PPME1: variants seen among roughly 807,000 people sequenced by gnomAD.
PPME1 encodes the protein testicular secretory protein Li 39.
PPME1 carries 17 observed loss-of-function variants against 56.9 expected under a neutral mutation model. The ratio of observed to expected loss-of-function variants is 0.30; its 90% CI spans 0.20 to 0.45. PPME1 has a LOEUF of 0.45. Ranked by LOEUF, PPME1 falls within the 20% of genes least tolerant of loss-of-function variation. The probability of loss-of-function intolerance (pLI) is 1.00; values close to 1 mark genes in which losing one functional copy is unlikely to be tolerated. For missense variants in PPME1, 357 were observed against 483.2 expected, an observed-to-expected ratio of 0.74 and a Z score of 2.45; for synonymous variants, 122 against 156.2, an observed-to-expected ratio of 0.78 and a Z score of 1.63.
At chr11:74,176,478 A>C (rs1055802654) in intron 1 of PPME1, among the ~76,000 whole-genome samples, 2 of 151,636 alleles carry the variant, frequency 1.3e-5, no homozygotes, top group Non-Finnish European at 2.9e-5. Context: ...AGTTAAATTT[A>C]TATGCCATAG....
At chr11:74,239,001 C>T in intron 8 of PPME1, 132 bp from the exon 9 acceptor site, 1 of 902,912 alleles carries the variant, frequency 1.1e-6, no homozygotes. Flanking sequence ...ATGCACAATT[C>T]TATCCTCCTA....
At chr11:74,181,584 A>T (rs989335634) in intron 1 of PPME1, among the ~76,000 whole-genome samples, 1 of 152,178 alleles carries the variant, frequency 6.6e-6, no homozygotes, top group African/African-American at 2.4e-5. Context: ...TAGTGCAAGG[A>T]CCTTTGTTTC....
rs756714530 is a variant in PPME1, at chr11:74,239,114, C to CT, written c.711-13dup. ...TATTGGAAAGAGGTGTGTAATAGCA[C>CT]TTTTTTAAAAAAACCTAGGTGTGAA... is the stretch of plus-strand genomic sequence containing the variant. On this transcript the variant is annotated intron_variant, in intron 8 of 13. Coordinates refer to ENST00000328257, the MANE Select transcript of PPME1 (RefSeq NM_016147.3). The CT allele has an allele frequency of 6.2e-7, 1 of 1,606,060 alleles. No individual in the cohort carries two copies. Among genetic ancestry groups the CT allele is most frequent in the South Asian group, 1.1e-5 (1 of 90,134 alleles).
chr11:74,222,597 T>C (rs1334383753), intron 4 of PPME1: 6 of 464,016 alleles, frequency 1.3e-5, no homozygotes, highest in Non-Finnish European at 2.0e-5. Context: ...CAAGCAATTA[T>C]CCTGCCTCAG....
At chr11:74,172,142 A>G (rs1857264260) in intron 1 of PPME1, among the ~76,000 whole-genome samples, 1 of 152,190 alleles carries the variant, frequency 6.6e-6, no homozygotes. Context: ...AGGGAGAATG[A>G]GAAAGTTTAG....
At chr11:74,175,158 T>C (rs1376024639) in intron 1 of PPME1, among the ~76,000 whole-genome samples, 1 of 152,252 alleles carries the variant, frequency 6.6e-6, no homozygotes, top group East Asian at 1.9e-4. Context: ...TTAGAGGAAC[T>C]ATAAAATATT....
intron 3 of PPME1, among the ~76,000 whole-genome samples, chr11:74,220,523 A>T (rs917115561): frequency 1.3e-5 from 2 of 152,200 alleles, no homozygotes; most frequent in African/African-American, 4.8e-5. Flanking sequence ...CTTGGATTTG[A>T]AAATTGGCTC....
At chr11:74,250,832 A>G in intron 11 of PPME1, 122 bp from the exon 12 acceptor site, 1 of 753,868 alleles carries the variant, frequency 1.3e-6, no homozygotes, top group East Asian at 2.7e-5. Flanking sequence ...AATTGGGTCC[A>G]GAGTATTGAG....
At chr11:74,222,637 C>T (rs920192909) in intron 4 of PPME1, 5 of 380,842 alleles carry the variant, frequency 1.3e-5, no homozygotes, top group Non-Finnish European at 9.9e-6. Context: ...TACAGGTATG[C>T]GCCACCATGC....
chr11:74,200,126 T>C (rs571866347), intron 1 of PPME1, among the ~76,000 whole-genome samples: 2 of 152,286 alleles, frequency 1.3e-5, no homozygotes, highest in South Asian at 4.1e-4. Context: ...ATCTAAAAAT[T>C]ATAATTAAAA....
In PPME1 at chr11:74,204,396, T is replaced by C; in HGVS notation, c.239T>C (p.Leu80Pro). The C allele has an allele frequency of 6.2e-7, 1 of 1,613,618 alleles. No individual in the cohort carries two copies. The highest frequency in any genetic ancestry group is 8.5e-7 in the Non-Finnish European group (1 of 1,179,650). The change falls in exon 3 of 14, where the codon CTC becomes CCC. Residue 80 changes from leucine (L) to proline (P), a missense_variant. By Grantham distance (98) the Leu-to-Pro change is moderately conservative. Transcript: ENST00000328257. ...AGTGGTTCAGAGGGTCCAGTCCTGC[T>C]CCTTCTGCATGGAGGAGGTCATTCT... ...YKSGSEGPVL[L>P]LLHGGGHSAL...
chr11:74,175,730 G>A (rs1219912853), intron 1 of PPME1, among the ~76,000 whole-genome samples: 3 of 152,054 alleles, frequency 2.0e-5, no homozygotes, highest in South Asian at 4.2e-4. Context: ...GCTCTGTAGT[G>A]ATTTAACTGA....
intron 8 of PPME1, among the ~76,000 whole-genome samples, chr11:74,236,836 C>T (rs932251446): frequency 1.1e-4 from 17 of 152,180 alleles, no homozygotes; most frequent in African/African-American, 4.1e-4. Context: ...GCTCTTTAAA[C>T]ATCATCACGA....
At chr11:74,219,562 T>TA (rs1858744040) in intron 3 of PPME1, among the ~76,000 whole-genome samples, 1 of 152,114 alleles carries the variant, frequency 6.6e-6, no homozygotes. Context: ...TATTTGGTTA[T>TA]AAAAAAGACT....
chr11:74,234,238 T>TA (rs1472590972), intron 7 of PPME1, among the ~76,000 whole-genome samples: 2 of 152,218 alleles, frequency 1.3e-5, no homozygotes, highest in Non-Finnish European at 2.9e-5. Context: ...CTCAAATGCT[T>TA]ATTACATATG....
At chr11:74,237,673 TTAAGA>T (rs1239234697) in intron 8 of PPME1, 3 of 152,140 alleles carry the variant, frequency 2.0e-5, no homozygotes, top group Admixed American at 6.6e-5. Context: ...CAATACCTCT[TTAAGA>T]TAAGTATTGC....
chr11:74,192,447 T>C (rs184607722), intron 1 of PPME1, among the ~76,000 whole-genome samples: 227 of 152,194 alleles, frequency 1.5e-3, no homozygotes, highest in Non-Finnish European at 2.7e-3. Context: ...TTGGACTTGA[T>C]GCTGAAACAA....
intron 1 of PPME1, among the ~76,000 whole-genome samples, chr11:74,180,532 A>G (rs7126696): frequency 0.13 from 19,998 of 152,246 alleles, 3,611 homozygotes; most frequent in African/African-American, 0.41. Context: ...CTCTATTTCA[A>G]TACCAGCTTT....
In PPME1 at chr11:74,182,618, C is replaced by A. The variant is rs145464443; in HGVS notation, c.101+11096C>A. Among the ~76,000 whole-genome samples the A allele has an allele frequency of 2.4e-4, 37 of 152,264 alleles. No individual in the cohort carries two copies. In the East Asian group the frequency reaches 6.8e-3, roughly 28 times the overall value. ...CAAGAGATCTGCCCACCTTGGCCTC[C>A]TAAAGCATTGGGAGATAGTGTCTTA... On this transcript the variant is annotated intron_variant, in intron 1 of 13. Transcript: ENST00000328257.
Sources: allele counts gnomAD v4.1 joint callset (sites outside exome capture counted in the v4.1 genomes callset), GRCh38; gene constraint gnomAD v4.1.1; transcripts MANE v1.5; gene names NCBI Gene and HGNC (gene_info 2026-07-23, HGNC 2026-07-21).